The following SPIN1 variants were observed in gnomAD, a reference collection of about 807,000 sequenced individuals.
SPIN1 encodes the protein spindlin 1, also known as spindlin-1.
Under a neutral mutation model 26.0 loss-of-function variants are expected in SPIN1, and 3 were observed. The observed-to-expected ratio is 0.12, with a 90% confidence interval of 0.05 to 0.30. The LOEUF is 0.30. Ranked by LOEUF, SPIN1 falls within the 10% of genes least tolerant of loss-of-function variation. SPIN1 has a pLI of 1.00. For synonymous variants in SPIN1, 101 were observed against 116.5 expected, an observed-to-expected ratio of 0.87 and a Z score of 0.86; for missense variants, 126 against 333.4, an observed-to-expected ratio of 0.38 and a Z score of 4.84.
At chr9:88,390,808 C>T (rs553053274) in intron 1 of SPIN1, among the ~76,000 whole-genome samples, 4 of 152,230 alleles carry the variant, frequency 2.6e-5, no homozygotes, top group African/African-American at 4.8e-5. Context: ...CCTTACTGGT[C>T]CAAAGCCACA....
chr9:88,415,819 C>T (rs1827549221), intron 1 of SPIN1: 1 of 152,146 alleles, frequency 6.6e-6, no homozygotes. Context: ...CCTTGGCTCA[C>T]TGAAAGCTCT....
At chr9:88,463,376 CT>C (rs1006288610) in intron 4 of SPIN1, among the ~76,000 whole-genome samples, 2 of 152,006 alleles carry the variant, frequency 1.3e-5, no homozygotes, top group African/African-American at 2.4e-5. Context: ...ACTAATATTA[CT>C]TTTTTTTGAA....
intron 1 of SPIN1, among the ~76,000 whole-genome samples, chr9:88,408,366 T>A (rs1827355462): frequency 7.0e-6 from 1 of 142,170 alleles, no homozygotes; most frequent in African/African-American, 2.9e-5. Flanking sequence ...GTTTTTCTTT[T>A]CCTTTTTTTC....
rs545871253 is a variant in SPIN1, at chr9:88,455,052, T to G, written c.101+6063T>G. Among the ~76,000 whole-genome samples the G allele has an allele frequency of 1.6e-4, 25 of 152,368 alleles. 1 individual carries two copies. In the South Asian group the frequency reaches 5.2e-3, roughly 32 times the overall value. On this transcript the variant is annotated intron_variant, in intron 3 of 5. Coordinates refer to ENST00000375859, the MANE Select transcript of SPIN1 (RefSeq NM_006717.3). The stretch of plus-strand genomic sequence containing the variant: ...ACATTCTGAAAGAATTGCTCTTGAA[T>G]CACAAAAAGGCAGTAGAAATAAATG...
At chr9:88,419,711 C>T (rs1400993726) in intron 1 of SPIN1, among the ~76,000 whole-genome samples, 1 of 151,982 alleles carries the variant, frequency 6.6e-6, no homozygotes, top group Non-Finnish European at 1.5e-5. Flanking sequence ...TTCTCTTCAC[C>T]TACGTTAAAA....
intron 1 of SPIN1, among the ~76,000 whole-genome samples, chr9:88,406,732 T>C (rs903363291): frequency 2.0e-5 from 3 of 152,172 alleles, no homozygotes; most frequent in African/African-American, 7.2e-5. Context: ...TTTTTACCTT[T>C]TCCTGTCCTT....
chr9:88,405,818 A>AT (rs1182698035), intron 1 of SPIN1, among the ~76,000 whole-genome samples: 3 of 151,450 alleles, frequency 2.0e-5, no homozygotes, highest in South Asian at 4.2e-4. Flanking sequence ...GACAATAGGA[A>AT]TTTTTTAGCT....
intron 1 of SPIN1, among the ~76,000 whole-genome samples, chr9:88,405,138 T>A (rs1372209953): frequency 1.3e-5 from 2 of 152,210 alleles, no homozygotes; most frequent in Non-Finnish European, 2.9e-5. Context: ...GAGTACAGAC[T>A]AAAATAATGA....
chr9:88,441,053 CT>C (rs1056756616), intron 2 of SPIN1, among the ~76,000 whole-genome samples: 5 of 151,778 alleles, frequency 3.3e-5, no homozygotes, highest in African/African-American at 1.2e-4. Context: ...GGTTTTACAT[CT>C]GTGGATTCAT....
intron 1 of SPIN1, among the ~76,000 whole-genome samples, chr9:88,391,058 C>G (rs1408945281): frequency 6.6e-6 from 1 of 152,138 alleles, no homozygotes; most frequent in Non-Finnish European, 1.5e-5. Flanking sequence ...TACTTGAACT[C>G]TTGGGTTGGG....
At chr9:88,420,789 A>G (rs1827654284) in intron 1 of SPIN1, among the ~76,000 whole-genome samples, 1 of 152,224 alleles carries the variant, frequency 6.6e-6, no homozygotes, top group African/African-American at 2.4e-5. Flanking sequence ...CTAATTCATT[A>G]TCAGAGGACT....
intron 1 of SPIN1, among the ~76,000 whole-genome samples, chr9:88,401,819 GTGTC>G (rs1247746252): frequency 6.6e-6 from 1 of 152,144 alleles, no homozygotes; most frequent in Non-Finnish European, 1.5e-5. Flanking sequence ...GAGATGTTAT[GTGTC>G]TGTTTTAAGC....
At chr9:88,447,698 T>A (rs937615254) in intron 2 of SPIN1, among the ~76,000 whole-genome samples, 2 of 152,220 alleles carry the variant, frequency 1.3e-5, no homozygotes, top group African/African-American at 4.8e-5. Context: ...GCTTCCCTTC[T>A]GAGTAGATCC....
Position 88,468,345 on chromosome 9 carries a change from CTTTTTTT to C in SPIN1, c.356-16_356-10del, listed in dbSNP as rs10541463. 7.6e-7 allele frequency: 1 copy of C among 1,318,612 alleles called. No individual in the cohort carries two copies. The highest frequency in any genetic ancestry group is 2.9e-5 in the Admixed American group (1 of 34,606). 81.7% of individuals were successfully genotyped at this position (1,318,612 alleles called of 1,614,324 possible). ...GGTAATCAGCGAAACACTTTGTCAA[CTTTTTTT>C]TTTTTTTTTTAATCCCCAGCGACAT... On this transcript the variant is annotated intron_variant, in intron 4 of 5. Coordinates refer to ENST00000375859, the MANE Select transcript of SPIN1 (RefSeq NM_006717.3).
At chr9:88,409,011 T>TGTGTGTGTG (rs1827377740) in intron 1 of SPIN1, among the ~76,000 whole-genome samples, 2 of 97,450 alleles carry the variant, frequency 2.1e-5, no homozygotes, top group African/African-American at 2.0e-4. Flanking sequence ...GTGTGTGTGT[T>TGTGTGTGTG]TGAGATGAAT....
chr9:88,417,775 G>A lies in SPIN1; in HGVS notation c.-158-8607G>A, dbSNP rs147587413. On this transcript the variant is annotated intron_variant, in intron 1 of 5. Transcript: ENST00000375859. Reference sequence around the variant, plus strand: ...GCATGAGCCACCACACCCCAGCCAAGTCCAGGTTATGTTATGTGCTTCTGA... The same window carrying A: ...GCATGAGCCACCACACCCCAGCCAAATCCAGGTTATGTTATGTGCTTCTGA... Among the ~76,000 whole-genome samples the A allele has an allele frequency of 9.2e-5, 14 of 152,236 alleles. 1 individual carries two copies. Among genetic ancestry groups the A allele is most frequent in the African/African-American group, 3.4e-4 (14 of 41,552 alleles).
At chr9:88,432,196 G>GTT (rs111413130) in intron 2 of SPIN1, among the ~76,000 whole-genome samples, 20 of 5,598 alleles carry the variant, frequency 3.6e-3, no homozygotes, top group African/African-American at 9.5e-3. Flanking sequence ...CCCACCCCCA[G>GTT]TTTTTTTTTT....
At chr9:88,463,411 TA>T (rs1828608103) in intron 4 of SPIN1, among the ~76,000 whole-genome samples, 1 of 152,248 alleles carries the variant, frequency 6.6e-6, no homozygotes, top group Non-Finnish European at 1.5e-5. Context: ...AATATTTTCT[TA>T]TTACAGTGAT....
At chr9:88,389,949 G>A (rs1231295198) in intron 1 of SPIN1, among the ~76,000 whole-genome samples, 3 of 150,032 alleles carry the variant, frequency 2.0e-5, no homozygotes, top group Non-Finnish European at 4.5e-5. Context: ...TTAGTTAAAA[G>A]GCAAACACCA....
Sources: gnomAD v4.1 joint callset for allele counts (sites outside exome capture counted in the v4.1 genomes callset) on GRCh38, gnomAD v4.1.1 for gene constraint, MANE v1.5 for transcripts, NCBI Gene and HGNC (gene_info 2026-07-23, HGNC 2026-07-21) for gene names.